OSBPL10: variants seen among roughly 807,000 people sequenced by gnomAD.
OSBPL10 encodes the protein oxysterol binding protein like 10, also known as oxysterol-binding protein-related protein 10.
In OSBPL10, 49 loss-of-function variants were observed where a neutral mutation model predicts 81.7. The observed-to-expected ratio is 0.60, with a 90% confidence interval of 0.48 to 0.76. OSBPL10 has a LOEUF of 0.76. Among genes scored for constraint, OSBPL10 ranks in the 30% least tolerant of loss-of-function variants. The pLI is 0.00. For missense variants in OSBPL10, 923 were observed against 987.8 expected (o/e 0.93, Z 0.88); for synonymous variants, 419 against 383.6 (o/e 1.09, Z -1.08).
intron 11 of OSBPL10, chr3:31,662,554 C>CTTG (rs199963672): frequency 0.047 from 47,321 of 1,001,740 alleles, 1,581 homozygotes; most frequent in East Asian, 0.32. Context: ...ACAAACAAAT[C>CTTG]AGCACACACA....
intron 2 of OSBPL10, among the ~76,000 whole-genome samples, chr3:32,003,993 T>C (rs188618938): frequency 6.6e-6 from 1 of 152,236 alleles, no homozygotes; most frequent in East Asian, 1.9e-4. Flanking sequence ...AAAGGAGTTG[T>C]CACTTATAGC....
At chr3:31,692,528 AC>A (rs2125569863) in intron 7 of OSBPL10, among the ~76,000 whole-genome samples, 1 of 152,170 alleles carries the variant, frequency 6.6e-6, no homozygotes, top group Non-Finnish European at 1.5e-5. Flanking sequence ...GCCCAGAGCA[AC>A]CCCGAGACCA....
chr3:31,994,399 A>T (rs982518466), intron 2 of OSBPL10, among the ~76,000 whole-genome samples: 9 of 152,212 alleles, frequency 5.9e-5, no homozygotes, highest in African/African-American at 2.2e-4. Flanking sequence ...TGAACTTCTC[A>T]AACAAATTTT....
At chr3:31,800,356 C>T (rs1234329811) in intron 4 of OSBPL10, among the ~76,000 whole-genome samples, 2 of 152,172 alleles carry the variant, frequency 1.3e-5, no homozygotes, top group African/African-American at 4.8e-5. Context: ...GAACTGAAAA[C>T]CATCTCTGGG....
At chr3:31,869,662 T>C (rs1376876422) in intron 3 of OSBPL10, among the ~76,000 whole-genome samples, 2 of 151,996 alleles carry the variant, frequency 1.3e-5, no homozygotes, top group Non-Finnish European at 2.9e-5. Flanking sequence ...TAAACTAGGA[T>C]GGGAGATGGA....
intron 1 of OSBPL10, among the ~76,000 whole-genome samples, chr3:31,894,180 A>T (rs952504007): frequency 3.9e-5 from 6 of 152,156 alleles, no homozygotes; most frequent in African/African-American, 1.4e-4. Flanking sequence ...TAGCCGTTGG[A>T]TGGATGAATC....
intron 1 of OSBPL10, among the ~76,000 whole-genome samples, chr3:31,888,926 G>GA (rs1292831679): frequency 8.6e-5 from 13 of 151,418 alleles, no homozygotes; most frequent in African/African-American, 2.7e-4. Context: ...TCCATCTCAG[G>GA]AAAAAATAAT....
intron 2 of OSBPL10, among the ~76,000 whole-genome samples, chr3:32,037,887 T>C (rs1699535280): frequency 2.0e-5 from 3 of 152,122 alleles, no homozygotes; most frequent in Admixed American, 1.3e-4. Context: ...TCATATATCC[T>C]AGGAAAGACT....
intron 1 of OSBPL10, among the ~76,000 whole-genome samples, chr3:31,965,018 C>A (rs907301534): frequency 6.6e-6 from 1 of 152,042 alleles, no homozygotes; most frequent in African/African-American, 2.4e-5. Context: ...CCAATGACAA[C>A]CAAATACATA....
At chr3:31,750,074 C>T (rs765237441) in intron 4 of OSBPL10, among the ~76,000 whole-genome samples, 1 of 151,982 alleles carries the variant, frequency 6.6e-6, no homozygotes, top group Non-Finnish European at 1.5e-5. Flanking sequence ...CCCAGCTACT[C>T]AAGAGGCTGA....
chr3:31,879,020 T>C (rs762395987), intron 2 of OSBPL10, among the ~76,000 whole-genome samples: 1 of 152,116 alleles, frequency 6.6e-6, no homozygotes, highest in Non-Finnish European at 1.5e-5. Context: ...GATGGATGTG[T>C]CTTGAGGGTG....
At position 32,001,905 on chromosome 3, in the gene OSBPL10, C is replaced by T. The variant is rs568235401; in HGVS notation, n.298+44586G>A. On this transcript the variant is annotated intron_variant and non_coding_transcript_variant, in intron 2 of 3. Transcript: ENST00000479173. ...TTGGACAATTTTTTTCTGACAATTA[C>T]AGCAATCCTGAAGAAGAGAGATTAT... is the stretch of plus-strand genomic sequence containing the variant. Among the ~76,000 whole-genome samples the T allele has an allele frequency of 2.6e-5, 4 of 152,282 alleles. No individual in the cohort carries two copies. The South Asian group carries it at 8.3e-4, about 32-fold the overall frequency.
At chr3:31,878,609 G>C (rs969049655) in intron 2 of OSBPL10, among the ~76,000 whole-genome samples, 4 of 152,214 alleles carry the variant, frequency 2.6e-5, no homozygotes, top group Non-Finnish European at 4.4e-5. Context: ...GGGCTGAGAG[G>C]TGAGGAATGT....
At chr3:31,868,190 CTGGGGTG>C (rs776741082) in intron 3 of OSBPL10, among the ~76,000 whole-genome samples, 8 of 152,080 alleles carry the variant, frequency 5.3e-5, no homozygotes, top group Admixed American at 1.3e-4. Flanking sequence ...GGGGTGGGGT[CTGGGGTG>C]ACCTTTTGAA....
chr3:31,736,919 A>AAAAGAGATCTACTTGCCT (rs1697191888), intron 5 of OSBPL10, among the ~76,000 whole-genome samples: 1 of 152,180 alleles, frequency 6.6e-6, no homozygotes, highest in Non-Finnish European at 1.5e-5. Context: ...TAGGGGGAAG[A>AAAAGAGATCTACTTGCCT]AAAGAGATCT....
At position 31,965,249 on chromosome 3, in the gene OSBPL10, A is replaced by C. The variant is rs555990154; in HGVS notation, c.281+15650T>G. ...GCCGGGCGTGGTGGTGGGCACCTGT[A>C]GTCCCAGCTACTCGGGAAGCTAAGG... is the stretch of plus-strand genomic sequence containing the variant. On this transcript the variant is annotated intron_variant, in intron 1 of 11. Transcript: ENST00000396556. Among the ~76,000 whole-genome samples, 13 of 150,692 alleles carry C rather than the reference A, an allele frequency of 8.6e-5. No individual in the cohort carries two copies. In the South Asian group the frequency reaches 2.5e-3, roughly 29 times the overall value.
rs180783758 is a variant in OSBPL10 at position 31,702,128 on chromosome 3, A to G, written c.1245+231T>C. Among the ~76,000 whole-genome samples, 7 of 151,982 alleles carry G rather than the reference A, an allele frequency of 4.6e-5. No homozygotes were observed. The East Asian group carries it at 1.4e-3, about 29-fold the overall frequency. On this transcript the variant is annotated intron_variant, in intron 7 of 11. Coordinates refer to ENST00000396556, the MANE Select transcript of OSBPL10 (RefSeq NM_017784.5). ...TCCCTGCCCTTGTAGAGTAGCAACA[A>G]CTCCTCCCAAGATCAAATGCAGGGC...
intron 3 of OSBPL10, among the ~76,000 whole-genome samples, chr3:31,842,212 T>C (rs779560896): frequency 8.5e-5 from 13 of 152,260 alleles, no homozygotes; most frequent in Non-Finnish European, 1.8e-4. Context: ...TAATGGTGGA[T>C]GATTTCGCTG....
intron 4 of OSBPL10, among the ~76,000 whole-genome samples, chr3:31,826,430 G>C (rs1471637009): frequency 6.6e-6 from 1 of 152,062 alleles, no homozygotes; most frequent in African/African-American, 2.4e-5. Flanking sequence ...TCCGACCTTT[G>C]GTATCTCAAT....
Sources: gnomAD v4.1 joint callset for allele counts (sites outside exome capture counted in the v4.1 genomes callset) on GRCh38, gnomAD v4.1.1 for gene constraint, MANE v1.5 for transcripts, NCBI Gene and HGNC (gene_info 2026-07-23, HGNC 2026-07-21) for gene names.